LIMK2: variants seen among roughly 807,000 people sequenced by gnomAD.
LIMK2 encodes the protein LIM domain kinase 2.
LIMK2 carries 35 observed loss-of-function variants against 75.7 expected under a neutral mutation model. The observed-to-expected ratio is 0.46, with a 90% CI of 0.35 to 0.61. LIMK2 has a LOEUF of 0.61. Ranked by LOEUF, LIMK2 falls within the 20% of genes least tolerant of loss-of-function variation. The pLI is 0.00. For synonymous variants in LIMK2, 301 were observed against 319.2 expected, an observed-to-expected ratio of 0.94 and a Z score of 0.61; for missense variants, 623 against 831.0, an observed-to-expected ratio of 0.75 and a Z score of 3.08.
chr22:31,226,845 G>A (rs1326107630), intron 2 of LIMK2, among the ~76,000 whole-genome samples: 1 of 152,068 alleles, frequency 6.6e-6, no homozygotes, highest in Non-Finnish European at 1.5e-5. Context: ...CCTGACCTCA[G>A]GTGATCCGCC....
intron 2 of LIMK2, among the ~76,000 whole-genome samples, chr22:31,255,336 C>G (rs1036172925): frequency 6.6e-6 from 1 of 152,218 alleles, no homozygotes; most frequent in African/African-American, 2.4e-5. Context: ...TCCCCTCTGC[C>G]TCCAACCTCA....
At chr22:31,213,123 C>G (rs2123754360) in intron 1 of LIMK2, among the ~76,000 whole-genome samples, 1 of 152,214 alleles carries the variant, frequency 6.6e-6, no homozygotes, top group South Asian at 2.1e-4. Context: ...GTTCTGAGTC[C>G]TCCTGTGGAA....
intron 3 of LIMK2, 86 bp downstream of exon 3, chr22:31,258,512 T>C (rs2048807600): frequency 2.1e-6 from 3 of 1,409,806 alleles, no homozygotes; most frequent in Admixed American, 2.0e-5. Context: ...GTTAATCTTT[T>C]AGTCTTTCCA....
At chr22:31,222,558 A>G in intron 1 of LIMK2, among the ~76,000 whole-genome samples, 1 of 151,500 alleles carries the variant, frequency 6.6e-6, no homozygotes, top group South Asian at 2.1e-4. Context: ...TAGTTTTAGT[A>G]GAGGTGGGGT....
intron 2 of LIMK2, among the ~76,000 whole-genome samples, chr22:31,231,282 A>G (rs948151845): frequency 3.9e-5 from 6 of 152,310 alleles, no homozygotes; most frequent in African/African-American, 9.6e-5. Context: ...AATGTCAACA[A>G]AAGTGCTGTT....
rs981184124 is a variant in LIMK2, at chr22:31,277,460, T to C, written c.1773-837T>C. 5 of 1,125,326 alleles carry C rather than the reference T, an allele frequency of 4.4e-6. No homozygotes were observed. In the South Asian group the frequency reaches 1.4e-4, roughly 30 times the overall value. The allele number at this position is 1,125,326 out of a possible 1,614,324, so 69.7% of individuals were successfully genotyped here. On this transcript the variant is annotated intron_variant, in intron 15 of 15. Transcript: ENST00000331728. The stretch of plus-strand genomic sequence containing the variant: ...GATTTCCAGCGGTCCACATTAGAGT[T>C]GAAATTTTCTGGTGGGAGAATCTAT...
intron 2 of LIMK2, chr22:31,248,405 A>T (rs1163189381): frequency 7.2e-7 from 1 of 1,387,232 alleles, no homozygotes. Flanking sequence ...GCCCCTGCTC[A>T]AGAATGCCAG....
intron 2 of LIMK2, among the ~76,000 whole-genome samples, chr22:31,244,014 G>A (rs1426982996): frequency 6.6e-6 from 1 of 152,170 alleles, no homozygotes; most frequent in East Asian, 1.9e-4. Flanking sequence ...TTCAACTCAG[G>A]ACATGGGGAG....
At chr22:31,216,256 ATATCT>A (rs1392820628) in intron 1 of LIMK2, among the ~76,000 whole-genome samples, 3 of 152,158 alleles carry the variant, frequency 2.0e-5, no homozygotes, top group South Asian at 2.1e-4. Flanking sequence ...GGGGAAGATG[ATATCT>A]TAGTAGGGAA....
chr22:31,260,557 C>G (rs1218684463), intron 5 of LIMK2, among the ~76,000 whole-genome samples: 2 of 152,140 alleles, frequency 1.3e-5, no homozygotes, highest in Non-Finnish European at 2.9e-5. Context: ...AAGACCCTAT[C>G]CTAGATTCAG....
At chr22:31,246,832 C>T (rs1405652532) in intron 2 of LIMK2, among the ~76,000 whole-genome samples, 1 of 151,906 alleles carries the variant, frequency 6.6e-6, no homozygotes, top group African/African-American at 2.4e-5. Flanking sequence ...GTGACATAAC[C>T]CCTCAGAACC....
At chr22:31,240,389 A>G (rs1397318448) in intron 2 of LIMK2, among the ~76,000 whole-genome samples, 1 of 150,038 alleles carries the variant, frequency 6.7e-6, no homozygotes, top group Non-Finnish European at 1.5e-5. Context: ...AGTTCCAGAG[A>G]TAGCACTTTC....
chr22:31,277,606 C>A, intron 15 of LIMK2: 6 of 912,388 alleles, frequency 6.6e-6, no homozygotes, highest in Non-Finnish European at 7.9e-6. Context: ...TTCTAAATAT[C>A]TTTAATTTAT....
chr22:31,238,006 T>A (rs1243891631), intron 2 of LIMK2, among the ~76,000 whole-genome samples: 1 of 150,416 alleles, frequency 6.6e-6, no homozygotes, highest in African/African-American at 2.5e-5. Context: ...TCCCAGCTAC[T>A]TGGGAGGCCG....
At chr22:31,257,040 ATTTTTTTTTTTTTTTTT>A (rs529919320) in intron 2 of LIMK2, among the ~76,000 whole-genome samples, 1,159 of 75,106 alleles carry the variant, frequency 0.015, 41 homozygotes, top group African/African-American at 0.035. Context: ...GGAGCTATAG[ATTTTTTTTTTTTTTTTT>A]TTTTTTTTTT....
chr22:31,277,077 C>T (rs144451762), intron 15 of LIMK2: 1,107 of 1,613,854 alleles, frequency 6.9e-4, no homozygotes, highest in Non-Finnish European at 6.0e-4. Flanking sequence ...CAGAGGCCTT[C>T]ATCTCTGGCC....
At chr22:31,269,773 CAA>C (rs545628891) in intron 11 of LIMK2, among the ~76,000 whole-genome samples, 24 of 96,446 alleles carry the variant, frequency 2.5e-4, no homozygotes, top group Non-Finnish European at 2.2e-4. Context: ...GACTTCATCT[CAA>C]AAAAAAAAAA....
At chr22:31,271,007 G>C (rs1439245737) in intron 11 of LIMK2, 129 bp from the exon 12 acceptor site, 1 of 769,604 alleles carries the variant, frequency 1.3e-6, no homozygotes, top group Non-Finnish European at 2.3e-6. Context: ...CCCTGGCCCT[G>C]TTGTCCAGGT....
At chr22:31,218,103 A>G (rs1284450064) in intron 1 of LIMK2, among the ~76,000 whole-genome samples, 1 of 152,166 alleles carries the variant, frequency 6.6e-6, no homozygotes, top group African/African-American at 2.4e-5. Context: ...TTAGTCACAA[A>G]TCGGTCCAAC....
Sources: allele counts gnomAD v4.1 joint callset (sites outside exome capture counted in the v4.1 genomes callset), GRCh38; gene constraint gnomAD v4.1.1; transcripts MANE v1.5; gene names NCBI Gene and HGNC (gene_info 2026-07-23, HGNC 2026-07-21).